The following PIEZO2 variants were observed in gnomAD, a reference collection of about 807,000 sequenced individuals.
The protein encoded by PIEZO2 is piezo type mechanosensitive ion channel component 2.
Under a neutral mutation model 337.3 loss-of-function variants are expected in PIEZO2, and 172 were observed. That is an observed-to-expected ratio of 0.51 (90% CI 0.45 to 0.58). The LOEUF is 0.58. PIEZO2 is among the 20% of genes least tolerant of loss of function. The probability of loss-of-function intolerance (pLI) is 0.00; values close to 1 mark genes in which losing one functional copy is unlikely to be tolerated. For missense variants in PIEZO2, 3,028 were observed against 3,391.3 expected, an observed-to-expected ratio of 0.89 and a Z score of 2.66; for synonymous variants, 1,251 against 1,228.5, an observed-to-expected ratio of 1.02 and a Z score of -0.38.
rs73383150 is a variant in PIEZO2 at position 10,716,614 on chromosome 18, T to C, written c.5090-798A>G. 0.035 allele frequency among the ~76,000 whole-genome samples: 5,325 copies of C among 151,684 alleles called. 282 individuals are homozygous for C. The highest frequency in any genetic ancestry group is 0.12 in the African/African-American group (5,039 of 41,000). On this transcript the variant is annotated intron_variant, in intron 37 of 55. Transcript: ENST00000674853. The surrounding 1 kb of genome is among the most constrained non-coding windows in gnomAD (Gnocchi z 4.1). ...GAATGAAGTGAGTCGCTGTGGCCGCTGAACAGGAGATGCCACGAGCACCTA... is the reference window on the plus strand; with the variant it reads ...GAATGAAGTGAGTCGCTGTGGCCGCCGAACAGGAGATGCCACGAGCACCTA...
intron 4 of PIEZO2, among the ~76,000 whole-genome samples, chr18:10,901,007 G>GA (rs890797125): frequency 1.2e-4 from 18 of 152,230 alleles, no homozygotes; most frequent in African/African-American, 4.1e-4. Flanking sequence ...GAAAAGAATA[G>GA]AAAAAAGATT....
chr18:10,785,011 C>A (rs1438970449), intron 16 of PIEZO2, 54 bp from the exon 17 acceptor site: 2 of 1,484,014 alleles, frequency 1.3e-6, no homozygotes, highest in African/African-American at 2.8e-5. Flanking sequence ...AATGAAGTCA[C>A]AAACTCTTTG....
intron 2 of PIEZO2, among the ~76,000 whole-genome samples, chr18:11,056,181 G>A (rs1568334821): frequency 6.6e-6 from 1 of 152,132 alleles, no homozygotes; most frequent in South Asian, 2.1e-4. Context: ...TTGAGGCCTC[G>A]GCACCCTGTG....
chr18:10,799,370 T>TACAA (rs1421051825), intron 11 of PIEZO2, among the ~76,000 whole-genome samples: 1 of 152,256 alleles, frequency 6.6e-6, no homozygotes. Flanking sequence ...GAGGTCCATC[T>TACAA]AACTGCTGTT....
chr18:10,783,676 A>C lies in PIEZO2; in HGVS notation c.2492+1108T>G, dbSNP rs2039111010. Among the ~76,000 whole-genome samples the C allele has an allele frequency of 1.3e-5, 2 of 152,176 alleles. No homozygotes were observed. The highest frequency in any genetic ancestry group is 1.5e-5 in the Non-Finnish European group (1 of 68,038). ...GATTTTCCTGGTGGCTAGATAGCAA[A>C]ACAAGTCATGACTGATTGATACCTC... is the stretch of plus-strand genomic sequence containing the variant. On this transcript the variant is annotated intron_variant, in intron 17 of 55. Transcript: ENST00000674853. The surrounding 1 kb of genome is among the most constrained non-coding windows in gnomAD (Gnocchi z 4.3).
At chr18:11,087,633 A>G (rs919843676) in intron 1 of PIEZO2, among the ~76,000 whole-genome samples, 1 of 152,194 alleles carries the variant, frequency 6.6e-6, no homozygotes, top group African/African-American at 2.4e-5. Flanking sequence ...GCCCCTTAAC[A>G]TCACCTAATC....
intron 7 of PIEZO2, among the ~76,000 whole-genome samples, chr18:10,826,420 C>T (rs1039009155): frequency 6.6e-6 from 1 of 152,192 alleles, no homozygotes. Context: ...AGGAAGACAC[C>T]TGCTGCCTCA....
chr18:11,133,289 C>T (rs541806287), intron 1 of PIEZO2, among the ~76,000 whole-genome samples: 17 of 152,064 alleles, frequency 1.1e-4, no homozygotes, highest in African/African-American at 3.4e-4. Flanking sequence ...GGCACGTTTC[C>T]GGTTGTACAA....
chr18:10,770,163 C>A lies in PIEZO2; in HGVS notation c.2931G>T (p.Trp977Cys), dbSNP rs894668625. The change falls in exon 21 of 56, where the codon TGG (tryptophan) becomes TGT (cysteine). Residue 977 changes from tryptophan (W) to cysteine (C), a missense_variant. By Grantham distance (215) the Trp-to-Cys change is radical. Transcript: ENST00000674853. The stretch of plus-strand genomic sequence containing the variant: ...GTTCACTTGCCTCTTTCACAGAAAC[C>A]CAGATAATGTAAGAGGAAACGATTT... ...IIKIVSSYIIWVSVKEVSLFN... is the reference protein window; with the variant it reads ...IIKIVSSYIICVSVKEVSLFN... 18 of 1,536,956 alleles carry A rather than the reference C, an allele frequency of 1.2e-5. No individual in the cohort carries two copies. The highest frequency in any genetic ancestry group is 1.5e-5 in the Non-Finnish European group (17 of 1,146,816).
At chr18:10,857,374 C>T (rs1015985930) in intron 5 of PIEZO2, among the ~76,000 whole-genome samples, 163 bp from the exon 6 acceptor site, 1 of 152,126 alleles carries the variant, frequency 6.6e-6, no homozygotes, top group South Asian at 2.1e-4. Flanking sequence ...CTGATAATCC[C>T]CGTATAAGCC....
intron 3 of PIEZO2, among the ~76,000 whole-genome samples, chr18:10,971,437 C>T (rs1255385919): frequency 1.3e-5 from 2 of 152,134 alleles, no homozygotes; most frequent in Non-Finnish European, 2.9e-5. Flanking sequence ...GACAAGGAGA[C>T]CTTGGTTATT....
At chr18:10,925,680 C>A (rs1369853728) in intron 3 of PIEZO2, among the ~76,000 whole-genome samples, 1 of 152,134 alleles carries the variant, frequency 6.6e-6, no homozygotes, top group South Asian at 2.1e-4. Flanking sequence ...CCCGTGTTCA[C>A]GCCATTCTCC....
At chr18:10,719,290 C>T (rs963449864) in intron 36 of PIEZO2, among the ~76,000 whole-genome samples, 2 of 152,154 alleles carry the variant, frequency 1.3e-5, no homozygotes, top group African/African-American at 4.8e-5. Flanking sequence ...CTGGTGTACT[C>T]ATCACCAAAT....
At chr18:10,708,075 C>T (rs904724215) in intron 40 of PIEZO2, among the ~76,000 whole-genome samples, 200 bp downstream of exon 40, 3 of 152,110 alleles carry the variant, frequency 2.0e-5, no homozygotes, top group Non-Finnish European at 2.9e-5. Flanking sequence ...AACTAAAGAG[C>T]GGTTAGTTTA....
chr18:10,714,565 A>G (rs2035938791), intron 39 of PIEZO2, among the ~76,000 whole-genome samples, 199 bp downstream of exon 39: 1 of 152,088 alleles, frequency 6.6e-6, no homozygotes, highest in Non-Finnish European at 1.5e-5. Context: ...TCTTATTGAT[A>G]TCTGCTTTTA....
intron 36 of PIEZO2, among the ~76,000 whole-genome samples, chr18:10,723,308 T>C (rs982674916): frequency 1.3e-5 from 2 of 152,136 alleles, no homozygotes; most frequent in African/African-American, 4.8e-5. Context: ...CTGATCAATA[T>C]GAAGGTCATT....
chr18:10,949,137 T>C (rs1289288777), intron 3 of PIEZO2, among the ~76,000 whole-genome samples: 2 of 152,212 alleles, frequency 1.3e-5, no homozygotes, highest in Non-Finnish European at 2.9e-5. Flanking sequence ...TGAGATAAAA[T>C]TTCCGAGGAA....
At chr18:10,796,725 G>A (rs941307778) in intron 12 of PIEZO2, among the ~76,000 whole-genome samples, 1 of 152,206 alleles carries the variant, frequency 6.6e-6, no homozygotes, top group African/African-American at 2.4e-5. Context: ...TGCTAGCCCT[G>A]AGAAGATAGC....
rs560919011 is a variant in PIEZO2 at position 10,740,576 on chromosome 18, A to G, written c.4708+455T>C. 1.9e-3 allele frequency: 310 copies of G among 164,560 alleles called. 1 individual carries two copies. The highest frequency in any genetic ancestry group is 6.8e-3 in the African/African-American group (285 of 41,864). 10.2% of individuals were successfully genotyped at this position (164,560 alleles called of 1,614,324 possible). A position where few individuals can be genotyped will look rare whatever the true frequency, so the allele number is the denominator to read the frequency against. On this transcript the variant is annotated intron_variant, in intron 33 of 55. Coordinates refer to ENST00000674853, the MANE Select transcript of PIEZO2 (RefSeq NM_001378183.1). ...GGGAGGCTCACTGGCATCCATGCCT[A>G]GTGCCTTACAGAGAAAGGGTCACTG...
Sources: gnomAD v4.1 joint callset for allele counts (sites outside exome capture counted in the v4.1 genomes callset) on GRCh38, gnomAD v4.1.1 for gene constraint, Gnocchi (gnomAD v3.1) non-coding constraint, MANE v1.5 for transcripts, NCBI Gene and HGNC (gene_info 2026-07-23, HGNC 2026-07-21) for gene names.